The following STOX2 variants were observed in gnomAD, a reference collection of about 807,000 sequenced individuals.
STOX2 encodes storkhead box 2.
In STOX2, 28 loss-of-function variants were observed where a neutral mutation model predicts 60.9. That is an observed-to-expected ratio of 0.46 (90% CI 0.34 to 0.63). The LOEUF (loss-of-function observed/expected upper bound fraction) is 0.63, where lower values mean the gene tolerates loss of function less well. Ranked by LOEUF, STOX2 falls within the 30% of genes least tolerant of loss-of-function variation. The pLI, the probability that STOX2 is intolerant of heterozygous loss-of-function variation, is 0.01. For missense variants in STOX2, 1,024 were observed against 1,187.7 expected (o/e 0.86, Z 2.03); for synonymous variants, 472 against 463.9 (o/e 1.02, Z -0.22).
At chr4:183,918,541 A>G (rs1741997297) in intron 1 of STOX2, among the ~76,000 whole-genome samples, 1 of 152,238 alleles carries the variant, frequency 6.6e-6, no homozygotes, top group Non-Finnish European at 1.5e-5. Context: ...GTAAAAACCA[A>G]TCTTGCAGAA....
intron 1 of STOX2, among the ~76,000 whole-genome samples, chr4:183,946,431 C>T (rs1402023830): frequency 1.3e-5 from 2 of 152,040 alleles, no homozygotes; most frequent in African/African-American, 2.4e-5. Flanking sequence ...GCCTATGACC[C>T]CATGGATACC....
At chr4:183,888,642 C>G (rs936232219) in intron 1 of STOX2, among the ~76,000 whole-genome samples, 1 of 152,178 alleles carries the variant, frequency 6.6e-6, no homozygotes, top group South Asian at 2.1e-4. Context: ...TTGCCAATCC[C>G]GTGGTTACTT....
intron 1 of STOX2, among the ~76,000 whole-genome samples, chr4:183,923,822 T>C (rs1579422251): frequency 6.6e-6 from 1 of 151,820 alleles, no homozygotes; most frequent in African/African-American, 2.4e-5. Context: ...TGGCATGGAG[T>C]TGTCAGGCTG....
chr4:184,005,066 T>G (rs564945973), intron 2 of STOX2, among the ~76,000 whole-genome samples: 2 of 152,344 alleles, frequency 1.3e-5, no homozygotes, highest in Admixed American at 1.3e-4. Context: ...AAGAATAATC[T>G]AAAGATGCTC....
intron 1 of STOX2, among the ~76,000 whole-genome samples, chr4:183,979,051 T>G (rs1732550101): frequency 6.6e-6 from 1 of 152,190 alleles, no homozygotes; most frequent in Non-Finnish European, 1.5e-5. Flanking sequence ...AAGAAATACC[T>G]GAGACTGGGT....
intron 1 of STOX2, among the ~76,000 whole-genome samples, chr4:183,940,043 C>T (rs1209100117): frequency 3.9e-5 from 6 of 152,206 alleles, no homozygotes; most frequent in Admixed American, 3.9e-4. Context: ...ACTGGAATTA[C>T]AGGCGTCCGC....
rs1048859313 is a variant in STOX2 at position 184,019,293 on chromosome 4, G to A, written c.*2009G>A. 1 of 152,152 alleles carries A rather than the reference G, an allele frequency of 6.6e-6. No individual in the cohort carries two copies. The highest frequency in any genetic ancestry group is 1.5e-5 in the Non-Finnish European group (1 of 68,026). 9.4% of individuals were successfully genotyped at this position (152,152 alleles called of 1,614,324 possible). On this transcript the variant is annotated 3_prime_UTR_variant, in exon 4 of 4. Coordinates refer to ENST00000308497, the MANE Select transcript of STOX2 (RefSeq NM_020225.3). ...CAAGGCATGCCTCAACGCATTGTTT[G>A]TCTCATTGCTTAAATATGTCCAGAA...
chr4:183,829,700 A>G (rs769542892), intron 1 of STOX2, among the ~76,000 whole-genome samples: 1 of 152,214 alleles, frequency 6.6e-6, no homozygotes, highest in Non-Finnish European at 1.5e-5. Flanking sequence ...TAGTGAGTCA[A>G]TACGTTCCCT....
chr4:183,907,018 C>A, intron 1 of STOX2, 62 bp downstream of exon 1: 1 of 1,404,572 alleles, frequency 7.1e-7, no homozygotes, highest in Non-Finnish European at 9.5e-7. Flanking sequence ...CGGTACGCCG[C>A]GGCCCGGGTG....
chr4:183,848,709 C>G (rs987384168), intron 1 of STOX2, among the ~76,000 whole-genome samples: 1 of 152,168 alleles, frequency 6.6e-6, no homozygotes, highest in African/African-American at 2.4e-5. Flanking sequence ...CCATGTCAAA[C>G]TTGGAGCAAG....
Position 183,861,676 on chromosome 4 carries a change from A to G in STOX2, c.364+63621A>G, listed in dbSNP as rs560838661. ...AAAATGGGTTGTGGTGATTACCGGT[A>G]GGGATGTTTGGAAGACACAATGCGA... On this transcript the variant is annotated intron_variant, in intron 1 of 2. Coordinates refer to the STOX2 transcript ENST00000513034. 2.5e-4 allele frequency among the ~76,000 whole-genome samples: 38 copies of G among 152,314 alleles called. No homozygotes were observed. The South Asian group carries it at 7.9e-3, about 32-fold the overall frequency.
chr4:183,859,182 G>A (rs1269749040), intron 1 of STOX2, among the ~76,000 whole-genome samples: 1 of 152,134 alleles, frequency 6.6e-6, no homozygotes, highest in Non-Finnish European at 1.5e-5. Context: ...CTTGCTCATC[G>A]CTGTGCCCCT....
chr4:183,959,363 A>G (rs575875422), intron 1 of STOX2, among the ~76,000 whole-genome samples: 61 of 152,166 alleles, frequency 4.0e-4, no homozygotes, highest in Non-Finnish European at 7.8e-4. Context: ...GATATTCGTG[A>G]GGCAGCCATC....
At chr4:183,852,406 AAAGGATGAGG>A (rs1740171299) in intron 1 of STOX2, among the ~76,000 whole-genome samples, 1 of 78,766 alleles carries the variant, frequency 1.3e-5, no homozygotes, top group Non-Finnish European at 2.5e-5. Context: ...AGGATGAGGG[AAAGGATGAGG>A]GAAAGGATGA....
intron 1 of STOX2, among the ~76,000 whole-genome samples, chr4:183,928,286 A>C (rs891482458): frequency 6.6e-6 from 1 of 152,162 alleles, no homozygotes; most frequent in African/African-American, 2.4e-5. Flanking sequence ...GCTGCCCACG[A>C]AATGCTTATA....
chr4:183,884,643 A>T lies in STOX2; in HGVS notation c.364+86588A>T, dbSNP rs144189485. Among the ~76,000 whole-genome samples, 353 of 152,150 alleles carry T rather than the reference A, an allele frequency of 2.3e-3. 1 individual carries two copies. The highest frequency in any genetic ancestry group is 8.3e-3 in the African/African-American group (346 of 41,498). On this transcript the variant is annotated intron_variant, in intron 1 of 2. Coordinates refer to the STOX2 transcript ENST00000513034. The stretch of plus-strand genomic sequence containing the variant: ...CTTCTGCTTTTACGTTTCTTTAGTG[A>T]CAGAAGCCGCGAGCAGGTGTTGAAT...
chr4:183,877,315 C>T lies in STOX2; in HGVS notation c.364+79260C>T, dbSNP rs184364038. 1.8e-3 allele frequency among the ~76,000 whole-genome samples: 267 copies of T among 152,240 alleles called. 5 individuals are homozygous for T. The highest frequency in any genetic ancestry group is 6.8e-3 in the Middle Eastern group (2 of 294). ...CAAGAGAAATGAAGAATCTCGGGTCCGCACACAGACCTACAGGATCTGCAT... is the reference window on the plus strand; with the variant it reads ...CAAGAGAAATGAAGAATCTCGGGTCTGCACACAGACCTACAGGATCTGCAT... On this transcript the variant is annotated intron_variant, in intron 1 of 2. Transcript: ENST00000513034.
At chr4:183,823,371 G>A (rs1379862578) in intron 1 of STOX2, among the ~76,000 whole-genome samples, 1 of 152,150 alleles carries the variant, frequency 6.6e-6, no homozygotes, top group Admixed American at 6.5e-5. Flanking sequence ...ACTCCAGCCT[G>A]GGCAAAAAGA....
chr4:184,006,474 C>T (rs1382162088), intron 2 of STOX2, among the ~76,000 whole-genome samples: 1 of 151,878 alleles, frequency 6.6e-6, no homozygotes, highest in Non-Finnish European at 1.5e-5. Flanking sequence ...CTTTGGGAAG[C>T]AGGGGCGGGA....
Sources: allele counts gnomAD v4.1 joint callset (sites outside exome capture counted in the v4.1 genomes callset), GRCh38; gene constraint gnomAD v4.1.1; transcripts MANE v1.5; gene names NCBI Gene and HGNC (gene_info 2026-07-23, HGNC 2026-07-21).